The following LRRK1 variants were observed in gnomAD, a reference collection of about 807,000 sequenced individuals.
The protein encoded by LRRK1 is leucine rich repeat kinase 1, also known as leucine-rich repeat serine/threonine-protein kinase 1.
A neutral mutation model predicts 209.1 loss-of-function variants in LRRK1; 113 were observed. The ratio of observed to expected loss-of-function variants is 0.54; its 90% CI spans 0.46 to 0.63. The LOEUF is 0.63. Ranked by LOEUF, LRRK1 falls within the 30% of genes least tolerant of loss-of-function variation. The pLI is 0.00. For missense variants in LRRK1, 2,284 were observed against 2,632.2 expected, an observed-to-expected ratio of 0.87 and a Z score of 2.89; for synonymous variants, 1,144 against 1,099.7, an observed-to-expected ratio of 1.04 and a Z score of -0.80.
intron 2 of LRRK1, among the ~76,000 whole-genome samples, chr15:100,945,513 T>TG (rs2042523657): frequency 8.9e-6 from 1 of 112,024 alleles, no homozygotes; most frequent in Non-Finnish European, 1.8e-5. Context: ...TTTTTTTTTT[T>TG]GACAGAGTCT....
chr15:100,964,221 G>A (rs946712555), intron 2 of LRRK1, among the ~76,000 whole-genome samples: 9 of 152,228 alleles, frequency 5.9e-5, no homozygotes, highest in African/African-American at 2.2e-4. Context: ...AATTATCACC[G>A]CAGATCACCC....
intron 2 of LRRK1, among the ~76,000 whole-genome samples, chr15:100,967,888 G>T (rs2030573253): frequency 6.6e-6 from 1 of 152,152 alleles, no homozygotes; most frequent in Non-Finnish European, 1.5e-5. Context: ...AATATTGTTT[G>T]TAGTTTTTTT....
intron 6 of LRRK1, among the ~76,000 whole-genome samples, chr15:101,000,945 C>T (rs949851221): frequency 6.6e-6 from 1 of 152,200 alleles, no homozygotes; most frequent in South Asian, 2.1e-4. Flanking sequence ...CCATGGGCCA[C>T]CTTAGATGCC....
Position 101,022,403 on chromosome 15 carries a change from T to C in LRRK1, c.1873T>C (p.Tyr625His). 1 of 1,614,262 alleles carries C rather than the reference T, an allele frequency of 6.2e-7. No homozygotes were observed. The highest frequency in any genetic ancestry group is 8.5e-7 in the Non-Finnish European group (1 of 1,180,038). The change falls in exon 15 of 34, where the codon TAC becomes CAC. Residue 625 changes from tyrosine (Y) to histidine (H), a missense_variant. Tyr to His is a moderately conservative substitution (Grantham distance 83, BLOSUM62 2). Coordinates refer to ENST00000388948, the MANE Select transcript of LRRK1 (RefSeq NM_024652.6). This position sits in a 1 kb window ranked among gnomAD's most constrained non-coding sequence, Gnocchi z 4.0. Reference protein sequence around the residue: ...QKEGPKAMLSYLRAQLRKAEK... With the variant: ...QKEGPKAMLSHLRAQLRKAEK... ...CACAGGCCCCAAAGCAATGCTGTCTTACCTGCGTGCTCAGCTGCGGAAAGC... is the reference window on the plus strand; with the variant it reads ...CACAGGCCCCAAAGCAATGCTGTCTCACCTGCGTGCTCAGCTGCGGAAAGC...
In LRRK1 at chr15:101,012,158, G is replaced by A; in HGVS notation, c.1419+13G>A. The A allele has an allele frequency of 8.2e-6, 13 of 1,582,568 alleles. No homozygotes were observed. The highest frequency in any genetic ancestry group is 1.2e-5 in the South Asian group (1 of 85,236). ...TTTCCAGCTTGATGTAAGCCTAATAGCCCTTTCTTTCTCATTTTCGGCTTT... is the reference window on the plus strand; with the variant it reads ...TTTCCAGCTTGATGTAAGCCTAATAACCCTTTCTTTCTCATTTTCGGCTTT... On this transcript the variant is annotated intron_variant, in intron 10 of 33. Transcript: ENST00000388948.
chr15:101,049,535 GTC>G (rs2035279046), intron 22 of LRRK1, 107 bp from the exon 23 acceptor site: 2 of 1,286,528 alleles, frequency 1.6e-6, no homozygotes. Flanking sequence ...AGGGCACAGA[GTC>G]TCTCCAGGTC....
rs2037036591 is a variant in LRRK1 at position 101,077,897 on chromosome 15, T to C, written c.*9049T>C. ...ATCCCCTGTGACCTGCACGCATATATAAGCCCAGATGGCCTGAAGTAACTG... is the reference window on the plus strand; with the variant it reads ...ATCCCCTGTGACCTGCACGCATATACAAGCCCAGATGGCCTGAAGTAACTG... On this transcript the variant is annotated 3_prime_UTR_variant, in exon 34 of 34. Coordinates refer to ENST00000388948, the MANE Select transcript of LRRK1 (RefSeq NM_024652.6). The C allele has an allele frequency of 1.3e-5, 2 of 152,306 alleles. No homozygotes were observed. Among genetic ancestry groups the C allele is most frequent in the Admixed American group, 1.3e-4 (2 of 15,288 alleles). The allele number at this position is 152,306 out of a possible 1,614,324, so 9.4% of individuals were successfully genotyped here. A position where few individuals can be genotyped will look rare whatever the true frequency, so the allele number is the denominator to read the frequency against.
At chr15:101,015,820 C>T (rs1269041264) in intron 12 of LRRK1, among the ~76,000 whole-genome samples, 3 of 152,130 alleles carry the variant, frequency 2.0e-5, no homozygotes, top group Non-Finnish European at 4.4e-5. Context: ...ATACCACCGA[C>T]CGAGTGCTTC....
At position 101,021,928 on chromosome 15, in the gene LRRK1, G is replaced by A; in HGVS notation, c.1823G>A (p.Ser608Asn). Reference sequence around the variant, plus strand: ...CTGGACACTGAAGACCTGACCATCAGCAATGTGCCTGCAGAAATCCAAAAA... The same window carrying A: ...CTGGACACTGAAGACCTGACCATCAACAATGTGCCTGCAGAAATCCAAAAA... ...WQLDTEDLTISNVPAEIQKEG... is the reference protein window; with the variant it reads ...WQLDTEDLTINNVPAEIQKEG... The change falls in exon 14 of 34, where the codon AGC becomes AAC. Residue 608 changes from serine (S) to asparagine (N), a missense_variant. By Grantham distance (46) the Ser-to-Asn change is conservative. Around this residue, in one of 6 missense-constraint regions of LRRK1, gnomAD observed 494 missense variants for 522.1 expected, o/e 0.95. Coordinates refer to ENST00000388948, the MANE Select transcript of LRRK1 (RefSeq NM_024652.6). The A allele has an allele frequency of 6.2e-7, 1 of 1,613,984 alleles. No individual in the cohort carries two copies. The highest frequency in any genetic ancestry group is 8.5e-7 in the Non-Finnish European group (1 of 1,179,942).
At chr15:101,051,587 T>C (rs2035440990) in intron 23 of LRRK1, 124 bp from the exon 24 acceptor site, 1 of 1,266,528 alleles carries the variant, frequency 7.9e-7, no homozygotes, top group African/African-American at 1.5e-5. Context: ...GTCTCTTGGG[T>C]ACAGGCCAGG....
At position 100,924,740 on chromosome 15, in the gene LRRK1, G is replaced by T. The variant is rs746543206; in HGVS notation, c.97+11G>T. The T allele has an allele frequency of 1.6e-5, 25 of 1,603,736 alleles. No homozygotes were observed. Among genetic ancestry groups the T allele is most frequent in the Non-Finnish European group, 2.1e-5 (25 of 1,170,726 alleles). On this transcript the variant is annotated intron_variant, in intron 2 of 33. Coordinates refer to ENST00000388948, the MANE Select transcript of LRRK1 (RefSeq NM_024652.6). ...TGGAGACGCTTAACGGTAAGGACAG[G>T]GCTGTGCTTATGCCTGCCTGGGTGT...
intron 2 of LRRK1, 41 bp from the exon 3 acceptor site, chr15:100,973,763 G>C (rs2031108430): frequency 1.6e-6 from 2 of 1,260,046 alleles, no homozygotes; most frequent in South Asian, 5.8e-5. Context: ...CACGCGGGCA[G>C]TGGGCGGTGA....
At chr15:100,947,521 A>G (rs908560621) in intron 2 of LRRK1, among the ~76,000 whole-genome samples, 10 of 152,170 alleles carry the variant, frequency 6.6e-5, no homozygotes, top group Non-Finnish European at 1.2e-4. Flanking sequence ...TCAATATTGG[A>G]GTTAATAATT....
At chr15:101,021,593 C>CA in intron 13 of LRRK1, 1 of 532,042 alleles carries the variant, frequency 1.9e-6, no homozygotes, top group South Asian at 2.6e-5. Flanking sequence ...TACTTAGTAG[C>CA]AGAGACAGGA....
intron 12 of LRRK1, among the ~76,000 whole-genome samples, chr15:101,017,272 G>A (rs949855934): frequency 2.0e-5 from 3 of 152,190 alleles, no homozygotes; most frequent in East Asian, 1.9e-4. Flanking sequence ...GGAGTTTGCC[G>A]CTGCTACGCT....
chr15:100,957,848 C>T (rs375956799), intron 2 of LRRK1, among the ~76,000 whole-genome samples: 5 of 152,260 alleles, frequency 3.3e-5, no homozygotes, highest in Non-Finnish European at 5.9e-5. Flanking sequence ...TAATTATTTT[C>T]GGATTGTTCT....
chr15:100,942,334 C>CA (rs556931125), intron 2 of LRRK1, among the ~76,000 whole-genome samples: 1 of 151,764 alleles, frequency 6.6e-6, no homozygotes. Context: ...GGCAGACCCT[C>CA]AAAAAAAATG....
chr15:101,020,582 G>A lies in LRRK1; in HGVS notation c.1610-471G>A, dbSNP rs542538093. Among the ~76,000 whole-genome samples the A allele has an allele frequency of 3.9e-5, 6 of 152,000 alleles. No individual in the cohort carries two copies. In the East Asian group the frequency reaches 1.2e-3, roughly 29 times the overall value. ...GTAGAGACAGGGTTTTACCATCTTAGCCAGCCTGGTCTTGAACTCCTGACC... is the reference window on the plus strand; with the variant it reads ...GTAGAGACAGGGTTTTACCATCTTAACCAGCCTGGTCTTGAACTCCTGACC... On this transcript the variant is annotated intron_variant, in intron 12 of 33. Transcript: ENST00000388948.
chr15:101,003,831 T>A (rs2032816832), intron 6 of LRRK1, among the ~76,000 whole-genome samples: 2 of 152,146 alleles, frequency 1.3e-5, no homozygotes, highest in Admixed American at 1.3e-4. Flanking sequence ...CACCTTGTAC[T>A]TCCCATGTTG....
Sources: gnomAD v4.1 joint callset for allele counts (sites outside exome capture counted in the v4.1 genomes callset) on GRCh38, gnomAD v4.1.1 for gene constraint, gnomAD v4.1.1 regional missense constraint, Gnocchi (gnomAD v3.1) non-coding constraint, MANE v1.5 for transcripts, NCBI Gene and HGNC (gene_info 2026-07-23, HGNC 2026-07-21) for gene names.